The following PDCD4 variants were observed in gnomAD, a reference collection of about 807,000 sequenced individuals.
The protein encoded by PDCD4 is programmed cell death 4.
Under a neutral mutation model 54.0 loss-of-function variants are expected in PDCD4, and 56 were observed. The ratio of observed to expected loss-of-function variants is 1.04; its 90% confidence interval spans 0.84 to 1.30. The LOEUF (loss-of-function observed/expected upper bound fraction) is 1.30. Among genes scored for constraint, PDCD4 ranks in the 50% most tolerant of loss-of-function variants. The pLI is 0.00. For synonymous variants in PDCD4, 186 were observed against 194.8 expected (o/e 0.95, Z 0.37); for missense variants, 584 against 559.8 (o/e 1.04, Z -0.44).
At position 110,896,357 on chromosome 10, in the gene PDCD4, A is replaced by G. The variant is rs537859388; in HGVS notation, c.1349+270A>G. On this transcript the variant is annotated intron_variant, in intron 11 of 11. Transcript: ENST00000280154. Reference sequence around the variant, plus strand: ...TTCAGTGTTTAGAGTAGGTATTATCAGTGATAAGATGAGAAAATTGAGGCT... The same window carrying G: ...TTCAGTGTTTAGAGTAGGTATTATCGGTGATAAGATGAGAAAATTGAGGCT... Among the ~76,000 whole-genome samples the G allele has an allele frequency of 6.1e-4, 93 of 152,328 alleles. No homozygotes were observed. In the Middle Eastern group the frequency reaches 0.01, roughly 17 times the overall value.
chr10:110,872,374 G>C (rs1030208062), intron 1 of PDCD4: 4 of 152,282 alleles, frequency 2.6e-5, no homozygotes, highest in South Asian at 2.1e-4. Context: ...CCCCTCTGGC[G>C]GAGGTTGAAT....
chr10:110,894,835 TA>T (rs1459607737), intron 10 of PDCD4, among the ~76,000 whole-genome samples: 2 of 151,914 alleles, frequency 1.3e-5, no homozygotes, highest in Admixed American at 6.6e-5. Flanking sequence ...CATGAACCTT[TA>T]ACTTTTAACA....
intron 8 of PDCD4, 116 bp downstream of exon 8, chr10:110,890,786 AATT>A (rs1194658935): frequency 2.1e-6 from 1 of 475,684 alleles, no homozygotes; most frequent in Non-Finnish European, 3.8e-6. Context: ...TTACAGCTGC[AATT>A]GGAAAATGAA....
rs1206422319 is a variant in PDCD4 at position 110,871,985 on chromosome 10, G to A, written c.-96G>A. ...GAGCGGGGTCGGGGCCGGCTGACCA[G>A]GAACCTGGGCGAGCAGCGGCGGGGG... On this transcript the variant is annotated 5_prime_UTR_variant, in exon 1 of 12. Transcript: ENST00000280154. 1.3e-5 allele frequency: 2 copies of A among 153,034 alleles called. No individual in the cohort carries two copies. The highest frequency in any genetic ancestry group is 6.5e-5 in the Admixed American group (1 of 15,292). The allele number at this position is 153,034 out of a possible 1,614,324, so 9.5% of individuals were successfully genotyped here. A position where few individuals can be genotyped will look rare whatever the true frequency, so the allele number is the denominator to read the frequency against.
intron 3 of PDCD4, among the ~76,000 whole-genome samples, chr10:110,882,636 G>A (rs534277052): frequency 6.6e-6 from 1 of 152,006 alleles, no homozygotes; most frequent in East Asian, 1.9e-4. Context: ...AAGCTTTACC[G>A]GCCCAGAATG....
chr10:110,882,555 C>A (rs931172289), intron 3 of PDCD4, among the ~76,000 whole-genome samples: 1 of 152,014 alleles, frequency 6.6e-6, no homozygotes, highest in African/African-American at 2.4e-5. Context: ...TGTATTTGAC[C>A]TTAAAATATT....
intron 2 of PDCD4, chr10:110,876,711 A>T: frequency 1.5e-6 from 2 of 1,309,440 alleles, no homozygotes; most frequent in Non-Finnish European, 2.0e-6. Context: ...ATAGCATGTT[A>T]TTATCATAAA....
rs373184851 is a variant in PDCD4, at chr10:110,894,402, C to T, written c.1099-10C>T. The T allele has an allele frequency of 1.5e-6, 2 of 1,378,234 alleles. No homozygotes were observed. The highest frequency in any genetic ancestry group is 2.1e-6 in the Non-Finnish European group (2 of 970,814). 85.4% of individuals were successfully genotyped at this position (1,378,234 alleles called of 1,614,324 possible). On this transcript the variant is annotated splice_polypyrimidine_tract_variant and intron_variant, in intron 9 of 11. Coordinates refer to ENST00000280154, the MANE Select transcript of PDCD4 (RefSeq NM_014456.5). The stretch of plus-strand genomic sequence containing the variant: ...TTAACCAAAAATTCACTCATTGATT[C>T]AATTTTTAGGCTATTATAATGGTTT...
At chr10:110,878,252 C>G (rs1270569405) in intron 2 of PDCD4, among the ~76,000 whole-genome samples, 2 of 152,194 alleles carry the variant, frequency 1.3e-5, no homozygotes, top group East Asian at 1.9e-4. Flanking sequence ...ATGATAAGGT[C>G]AAATATATAA....
intron 3 of PDCD4, among the ~76,000 whole-genome samples, 170 bp from the exon 4 acceptor site, chr10:110,882,833 T>C (rs1438897448): frequency 3.9e-5 from 6 of 152,196 alleles, no homozygotes; most frequent in East Asian, 1.9e-4. Context: ...TTTGGAAATA[T>C]TGAAAGAGTG....
chr10:110,886,836 C>T (rs1845676297), intron 5 of PDCD4, among the ~76,000 whole-genome samples: 1 of 151,916 alleles, frequency 6.6e-6, no homozygotes, highest in South Asian at 2.1e-4. Context: ...TTAAATTTAC[C>T]CCAGAATCTT....
In PDCD4 at chr10:110,890,594, C is replaced by G; in HGVS notation, c.914C>G (p.Ser305Cys). ...LDKATVLLSM[S>C]KGGKRKDSVW... is the part of the protein sequence containing the mutation. Reference sequence around the variant, plus strand: ...AAGGCTACCGTGCTTCTGAGTATGTCTAAAGGTGGAAAGCGTAAAGATAGT... The same window carrying G: ...AAGGCTACCGTGCTTCTGAGTATGTGTAAAGGTGGAAAGCGTAAAGATAGT... The change falls in exon 8 of 12, where the codon TCT becomes TGT. Residue 305 changes from serine to cysteine, a missense_variant. Ser to Cys is a moderately radical substitution (Grantham distance 112, BLOSUM62 -1). Transcript: ENST00000280154. 1 of 1,613,464 alleles carries G rather than the reference C, an allele frequency of 6.2e-7. No homozygotes were observed. The highest frequency in any genetic ancestry group is 8.5e-7 in the Non-Finnish European group (1 of 1,179,608).
At chr10:110,889,057 C>A (rs1845714681) in intron 6 of PDCD4, among the ~76,000 whole-genome samples, 1 of 151,708 alleles carries the variant, frequency 6.6e-6, no homozygotes, top group Admixed American at 6.6e-5. Flanking sequence ...TGGTGACACC[C>A]CGTCTCTACT....
rs373691125 is a variant in PDCD4, at chr10:110,879,479, ACACGGTGAC to A, written c.44-1752_44-1744del. ...CAGGAGATCAAGACCATCCTGGCTA[ACACGGTGAC>A]CCCATCTGTACTAAAAACACAAAAA... On this transcript the variant is annotated intron_variant, in intron 2 of 11. Coordinates refer to ENST00000280154, the MANE Select transcript of PDCD4 (RefSeq NM_014456.5). Among the ~76,000 whole-genome samples the A allele has an allele frequency of 4.5e-4, 68 of 152,228 alleles. No homozygotes were observed. The East Asian group carries it at 0.01, about 23-fold the overall frequency.
rs147793899 is a variant in PDCD4 at position 110,878,143 on chromosome 10, G to T, written c.43+2073G>T. On this transcript the variant is annotated intron_variant, in intron 2 of 11. Coordinates refer to ENST00000280154, the MANE Select transcript of PDCD4 (RefSeq NM_014456.5). ...TACTCAGCTTATCATTTTAATTTTG[G>T]TTTTCTTAAAGTCAGCTCAATAGGG... is the stretch of plus-strand genomic sequence containing the variant. 1.6e-3 allele frequency among the ~76,000 whole-genome samples: 242 copies of T among 152,194 alleles called. 3 individuals carry two copies. Among genetic ancestry groups the T allele is most frequent in the African/African-American group, 5.7e-3 (237 of 41,534 alleles).
At chr10:110,882,796 C>A (rs1484860653) in intron 3 of PDCD4, among the ~76,000 whole-genome samples, 1 of 151,764 alleles carries the variant, frequency 6.6e-6, no homozygotes, top group Non-Finnish European at 1.5e-5. Context: ...TAGTTTTTAA[C>A]TTCATAAGCT....
chr10:110,894,418 A>G lies in PDCD4; in HGVS notation c.1105A>G (p.Ile369Val). 6.7e-7 allele frequency: 1 copy of G among 1,502,418 alleles called. No homozygotes were observed. Among genetic ancestry groups the G allele is most frequent in the Non-Finnish European group, 9.2e-7 (1 of 1,082,584 alleles). The allele number at this position is 1,502,418 out of a possible 1,614,324, so 93.1% of individuals were successfully genotyped here. ...FHHELVYEAI[I>V]MVLESTGEST... ...TCATTGATTCAATTTTTAGGCTATT[A>G]TAATGGTTTTAGAGTCAACTGGAGA... Residue 369 changes from isoleucine (I) to valine (V), a missense_variant, in exon 10 of 12, where the codon ATA becomes GTA. Ile to Val is a conservative substitution (Grantham distance 29, BLOSUM62 3). Coordinates refer to ENST00000280154, the MANE Select transcript of PDCD4 (RefSeq NM_014456.5).
At chr10:110,873,702 A>G (rs1845458451) in intron 1 of PDCD4, among the ~76,000 whole-genome samples, 1 of 152,200 alleles carries the variant, frequency 6.6e-6, no homozygotes, top group Non-Finnish European at 1.5e-5. Context: ...ATTGGAAAAA[A>G]TCCTACTACT....
intron 10 of PDCD4, among the ~76,000 whole-genome samples, chr10:110,894,805 ATT>A (rs1845807136): frequency 6.8e-6 from 1 of 147,822 alleles, no homozygotes; most frequent in Non-Finnish European, 1.5e-5. Context: ...GACAATTTCT[ATT>A]TTATATCTAG....
Sources: allele counts gnomAD v4.1 joint callset (sites outside exome capture counted in the v4.1 genomes callset), GRCh38; gene constraint gnomAD v4.1.1; transcripts MANE v1.5; gene names NCBI Gene and HGNC (gene_info 2026-07-23, HGNC 2026-07-21).